The following PTPRK variants were observed in gnomAD, a reference collection of about 807,000 sequenced individuals.
PTPRK encodes the protein receptor-type tyrosine-protein phosphatase kappa.
In PTPRK, 75 loss-of-function variants were observed where a neutral mutation model predicts 178.0. That is an observed-to-expected ratio of 0.42 (90% CI 0.35 to 0.51). PTPRK has a LOEUF of 0.51. Among genes scored for constraint, PTPRK ranks in the 20% least tolerant of loss-of-function variants. The probability of loss-of-function intolerance (pLI) is 0.02; values close to 1 mark genes in which losing one functional copy is unlikely to be tolerated. For missense variants in PTPRK, 1,441 were observed against 1,797.8 expected, an observed-to-expected ratio of 0.80 and a Z score of 3.59; for synonymous variants, 637 against 620.6, an observed-to-expected ratio of 1.03 and a Z score of -0.39.
chr6:128,484,288 A>C (rs1852512418), intron 1 of PTPRK, among the ~76,000 whole-genome samples: 1 of 152,178 alleles, frequency 6.6e-6, no homozygotes, highest in African/African-American at 2.4e-5. Flanking sequence ...CAGTACCACC[A>C]ACCCTTCTTT....
intron 6 of PTPRK, among the ~76,000 whole-genome samples, chr6:128,217,382 A>T (rs147420457): frequency 2.6e-5 from 4 of 152,252 alleles, no homozygotes; most frequent in African/African-American, 9.6e-5. Context: ...GTCTTCCAAG[A>T]CTAAAGTTTA....
At chr6:127,992,264 C>T (rs1316467789) in intron 19 of PTPRK, among the ~76,000 whole-genome samples, 3 of 151,730 alleles carry the variant, frequency 2.0e-5, no homozygotes, top group Non-Finnish European at 4.4e-5. Context: ...AAAAATTGCT[C>T]AGTATAACAG....
chr6:128,381,556 G>C (rs917275758), intron 2 of PTPRK, among the ~76,000 whole-genome samples: 1 of 152,030 alleles, frequency 6.6e-6, no homozygotes, highest in African/African-American at 2.4e-5. Context: ...CTAACCGGCC[G>C]TGTCACCTTG....
chr6:128,278,126 T>G (rs1562190929), intron 3 of PTPRK, among the ~76,000 whole-genome samples: 1 of 76,460 alleles, frequency 1.3e-5, no homozygotes, highest in Non-Finnish European at 2.5e-5. Flanking sequence ...TTGTGTTTTT[T>G]ATTTATTTAT....
intron 7 of PTPRK, among the ~76,000 whole-genome samples, chr6:128,118,912 C>T (rs138477368): frequency 9.2e-5 from 14 of 152,318 alleles, no homozygotes; most frequent in African/African-American, 3.1e-4. Flanking sequence ...ACTGCAATAG[C>T]ACTTTCTTTC....
At chr6:128,194,243 G>A (rs1804476974) in intron 6 of PTPRK, among the ~76,000 whole-genome samples, 2 of 151,732 alleles carry the variant, frequency 1.3e-5, no homozygotes, top group Admixed American at 1.3e-4. Flanking sequence ...GTGCCACTAT[G>A]CCAGGCTAAT....
At chr6:128,057,274 G>A (rs61061387) in intron 13 of PTPRK, among the ~76,000 whole-genome samples, 5,158 of 152,224 alleles carry the variant, frequency 0.034, 284 homozygotes, top group African/African-American at 0.12. Context: ...GTACAGAAAA[G>A]AGTTAACGTA....
chr6:128,482,517 G>A (rs774631935), intron 1 of PTPRK, among the ~76,000 whole-genome samples: 1 of 152,114 alleles, frequency 6.6e-6, no homozygotes, highest in Non-Finnish European at 1.5e-5. Context: ...GAGGTGGATA[G>A]AAACATACTT....
intron 1 of PTPRK, among the ~76,000 whole-genome samples, chr6:128,456,410 G>A (rs1848402755): frequency 6.6e-6 from 1 of 151,930 alleles, no homozygotes; most frequent in African/African-American, 2.4e-5. Flanking sequence ...AAATTTGTAA[G>A]TAGGAATCAA....
chr6:128,513,980 A>T (rs185205395), intron 1 of PTPRK, among the ~76,000 whole-genome samples: 1 of 152,280 alleles, frequency 6.6e-6, no homozygotes, highest in African/African-American at 2.4e-5. Flanking sequence ...CTGTCACTTA[A>T]GCAGCTGCTA....
rs772218480 is a variant in PTPRK at position 127,983,320 on chromosome 6, A to G, written c.3309T>C (p.Ala1103=). 1 of 1,613,726 alleles carries G rather than the reference A, an allele frequency of 6.2e-7. No individual in the cohort carries two copies. ...YIVIDIMLDM[A]EREGVVDIYN... ...AAATATCAACAACACCCTCTCTTTC[A>G]GCCATGTCTAGCATGATGTCAATCA... is the stretch of plus-strand genomic sequence containing the variant. Residue 1103 remains alanine (A), a synonymous_variant, in exon 23 of 30, where the codon GCT becomes GCC. Coordinates refer to ENST00000368226, the MANE Select transcript of PTPRK (RefSeq NM_002844.4).
chr6:128,520,299 A>G lies in PTPRK; in HGVS notation c.60T>C (p.Pro20=). Residue 20 remains proline, a synonymous_variant, in exon 1 of 30, where the codon CCT becomes CCC. Coordinates refer to ENST00000368226, the MANE Select transcript of PTPRK (RefSeq NM_002844.4). ...CTTGGGCCGATCCCAGGAGAGGCCAAGGAGAGAGGAGCAAGAGCGCCACAA... is the reference window on the plus strand; with the variant it reads ...CTTGGGCCGATCCCAGGAGAGGCCAGGGAGAGAGGAGCAAGAGCGCCACAA... ...PAFVALLLLS[P]WPLLGSAQGQ... is the part of the protein sequence containing the mutation. The G allele has an allele frequency of 6.2e-7, 1 of 1,609,834 alleles. No individual in the cohort carries two copies.
intron 3 of PTPRK, among the ~76,000 whole-genome samples, chr6:128,251,285 G>A (rs1816419866): frequency 6.6e-6 from 1 of 152,028 alleles, no homozygotes; most frequent in Admixed American, 6.6e-5. Flanking sequence ...TTTGATTTTC[G>A]AGTTTCTTGA....
chr6:128,243,509 A>AAAAAGAAAAGAAAAG (rs1554367484), intron 3 of PTPRK, among the ~76,000 whole-genome samples: 2 of 137,630 alleles, frequency 1.5e-5, no homozygotes, highest in African/African-American at 6.1e-5. Context: ...AAAAAAAAAA[A>AAAAAGAAAAGAAAAG]AAAAGAAAAG....
intron 9 of PTPRK, among the ~76,000 whole-genome samples, chr6:128,082,898 A>AC (rs1255326330): frequency 6.6e-6 from 1 of 152,088 alleles, no homozygotes; most frequent in Non-Finnish European, 1.5e-5. Flanking sequence ...CATCAAAAAA[A>AC]CCACAATAAA....
At chr6:128,028,821 G>C (rs1050467566) in intron 13 of PTPRK, among the ~76,000 whole-genome samples, 1 of 152,108 alleles carries the variant, frequency 6.6e-6, no homozygotes, top group African/African-American at 2.4e-5. Context: ...TTTTTTTGTT[G>C]ATATGATGCT....
In PTPRK at chr6:128,481,241, A is replaced by G. The variant is rs577569721; in HGVS notation, c.100+39018T>C. Among the ~76,000 whole-genome samples, 4 of 152,236 alleles carry G rather than the reference A, an allele frequency of 2.6e-5. No individual in the cohort carries two copies. The South Asian group carries it at 8.3e-4, about 32-fold the overall frequency. On this transcript the variant is annotated intron_variant, in intron 1 of 29. Coordinates refer to ENST00000368226, the MANE Select transcript of PTPRK (RefSeq NM_002844.4). ...TCTTTAATTTCATTCAGCTGTTAAC[A>G]TGAAATATGTGGCCAATTATTTAGG...
rs113506773 is a variant in PTPRK at position 128,124,042 on chromosome 6, GT to G, written c.1163-34051del. Among the ~76,000 whole-genome samples, 1,163 of 136,784 alleles carry G rather than the reference GT, an allele frequency of 8.5e-3. 4 individuals are homozygous for G. The highest frequency in any genetic ancestry group is 0.018 in the African/African-American group (669 of 37,312). 89.7% of individuals were successfully genotyped at this position (136,784 alleles called of 152,430 possible). A position where few individuals can be genotyped will look rare whatever the true frequency, so the allele number is the denominator to read the frequency against. ...CCAAATAATCCCTTCATTAAAACTT[GT>G]TTTTTTTTTTTTTTCCTTGAGACAG... On this transcript the variant is annotated intron_variant, in intron 7 of 29. Coordinates refer to ENST00000368226, the MANE Select transcript of PTPRK (RefSeq NM_002844.4).
chr6:128,386,434 T>C (rs1000133475), intron 2 of PTPRK, among the ~76,000 whole-genome samples: 2 of 151,992 alleles, frequency 1.3e-5, no homozygotes, highest in African/African-American at 4.8e-5. Context: ...TGAGAGGAAA[T>C]AGTTAATCCC....
Sources: gnomAD v4.1 joint callset for allele counts (sites outside exome capture counted in the v4.1 genomes callset) on GRCh38, gnomAD v4.1.1 for gene constraint, MANE v1.5 for transcripts, NCBI Gene and HGNC (gene_info 2026-07-23, HGNC 2026-07-21) for gene names.